The following GARNL3 variants were observed in gnomAD, a reference collection of about 807,000 sequenced individuals.
The protein encoded by GARNL3 is GTPase activating Rap/RanGAP domain like 3, also known as GTPase-activating Rap/Ran-GAP domain-like protein 3.
Under a neutral mutation model 125.0 loss-of-function variants are expected in GARNL3, and 63 were observed. The ratio of observed to expected loss-of-function variants is 0.50; its 90% CI spans 0.41 to 0.62. GARNL3 has a LOEUF of 0.62. GARNL3 is among the 20% of genes least tolerant of loss of function. The pLI, the probability that GARNL3 is intolerant of heterozygous loss-of-function variation, is 0.00. For synonymous variants in GARNL3, 439 were observed against 457.5 expected, an observed-to-expected ratio of 0.96 and a Z score of 0.52; for missense variants, 994 against 1,244.0, an observed-to-expected ratio of 0.80 and a Z score of 3.02.
Position 127,276,007 on chromosome 9 carries a change from C to T in GARNL3, c.144+10986C>T, listed in dbSNP as rs558668502. ...CTTTTTGCTCCTTGTAATGGTTCCA[C>T]AGTTTCCCTTCTTACTTTCTCCTTT... On this transcript the variant is annotated intron_variant, in intron 1 of 27. Transcript: ENST00000373387. 4.6e-5 allele frequency among the ~76,000 whole-genome samples: 7 copies of T among 152,332 alleles called. No individual in the cohort carries two copies. The South Asian group carries it at 1.2e-3, about 27-fold the overall frequency.
chr9:127,367,122 C>T (rs1206029889), intron 22 of GARNL3: 1 of 152,184 alleles, frequency 6.6e-6, no homozygotes, highest in Non-Finnish European at 1.5e-5. Context: ...ATTTCTTTTT[C>T]CCAAGACATT....
At chr9:127,267,817 G>C (rs1413870265) in intron 1 of GARNL3, among the ~76,000 whole-genome samples, 2 of 152,222 alleles carry the variant, frequency 1.3e-5, no homozygotes, top group Non-Finnish European at 2.9e-5. Flanking sequence ...AACCCAATAA[G>C]TGTTGGGCAT....
At chr9:127,382,366 T>C (rs1832310728) in intron 22 of GARNL3, among the ~76,000 whole-genome samples, 1 of 151,684 alleles carries the variant, frequency 6.6e-6, no homozygotes, top group African/African-American at 2.4e-5. Flanking sequence ...GGCTAAAACA[T>C]GATGGTTTGG....
At chr9:127,380,200 A>ATATG (rs71495641) in intron 22 of GARNL3, among the ~76,000 whole-genome samples, 1 of 141,642 alleles carries the variant, frequency 7.1e-6, no homozygotes, top group South Asian at 2.4e-4. Context: ...CTCAAAAAAT[A>ATATG]TGTGTGTGTG....
Position 127,344,423 on chromosome 9 carries a change from G to A in GARNL3, c.1356+84G>A, listed in dbSNP as rs1405019880. 3 of 885,792 alleles carry A rather than the reference G, an allele frequency of 3.4e-6. No individual in the cohort carries two copies. The African/African-American group carries it at 5.0e-5, about 15-fold the overall frequency. 54.9% of individuals were successfully genotyped at this position (885,792 alleles called of 1,614,324 possible). ...CAGATGGCCCATGTGCAAAGACTTT[G>A]TTTGCCTGCTGCTGTAGGAGCTCTG... On this transcript the variant is annotated intron_variant, in intron 15 of 27. Coordinates refer to ENST00000373387, the MANE Select transcript of GARNL3 (RefSeq NM_032293.5).
At chr9:127,278,040 C>A (rs554598170) in intron 1 of GARNL3, among the ~76,000 whole-genome samples, 4 of 152,170 alleles carry the variant, frequency 2.6e-5, no homozygotes, top group African/African-American at 9.6e-5. Flanking sequence ...CTAATAAATT[C>A]TTTTTTCTTA....
chr9:127,343,070 T>C (rs1462565821), intron 14 of GARNL3, among the ~76,000 whole-genome samples: 6 of 151,946 alleles, frequency 3.9e-5, no homozygotes, highest in African/African-American at 1.5e-4. Context: ...GCTAATTTTT[T>C]GTATTTTTAG....
At chr9:127,321,297 A>T (rs953038552) in intron 6 of GARNL3, among the ~76,000 whole-genome samples, 2 of 152,056 alleles carry the variant, frequency 1.3e-5, no homozygotes, top group African/African-American at 4.8e-5. Context: ...GTGCCCAGCT[A>T]ATTTAGTAGA....
At chr9:127,370,239 G>C (rs1306105576) in intron 22 of GARNL3, among the ~76,000 whole-genome samples, 1 of 152,190 alleles carries the variant, frequency 6.6e-6, no homozygotes, top group Non-Finnish European at 1.5e-5. Flanking sequence ...TGATGGCGCT[G>C]TCACCTCCCC....
At chr9:127,349,593 T>C (rs753697629) in intron 17 of GARNL3, among the ~76,000 whole-genome samples, 20 of 152,138 alleles carry the variant, frequency 1.3e-4, no homozygotes, top group Non-Finnish European at 2.6e-4. Flanking sequence ...CCTGGGGAGT[T>C]AGTCAGTTCT....
At position 127,342,303 on chromosome 9, in the gene GARNL3, T is replaced by C. The variant is rs749726729; in HGVS notation, c.1220T>C (p.Leu407Ser). The C allele has an allele frequency of 2.5e-5, 40 of 1,613,096 alleles. No homozygotes were observed. Among genetic ancestry groups the C allele is most frequent in the Non-Finnish European group, 3.1e-5 (36 of 1,179,144 alleles). The change falls in exon 14 of 28, where the codon TTA becomes TCA. Residue 407 changes from leucine (L) to serine (S), a missense_variant. This residue lies in a region of GARNL3 where 728 missense variants were observed against 865.7 expected (regional missense o/e 0.84). Transcript: ENST00000373387. ...ACCCTGGATATGTTGATTAGATCTT[T>C]ACACCAGGATTTGATGCCAGATTTG... is the stretch of plus-strand genomic sequence containing the variant. Reference protein sequence around the residue: ...RRTLDMLIRSLHQDLMPDLHK... With the variant: ...RRTLDMLIRSSHQDLMPDLHK...
intron 12 of GARNL3, among the ~76,000 whole-genome samples, chr9:127,338,663 C>A (rs1588885753): frequency 6.6e-6 from 1 of 152,190 alleles, no homozygotes; most frequent in Non-Finnish European, 1.5e-5. Context: ...TAGTGACAAT[C>A]AGAGGCAATA....
chr9:127,294,107 C>G (rs2064509340), intron 2 of GARNL3, among the ~76,000 whole-genome samples: 1 of 152,154 alleles, frequency 6.6e-6, no homozygotes, highest in South Asian at 2.1e-4. Flanking sequence ...TTGGACTTGC[C>G]TACCCCAGTG....
At chr9:127,275,222 T>TG (rs2063923761) in intron 1 of GARNL3, among the ~76,000 whole-genome samples, 1 of 152,244 alleles carries the variant, frequency 6.6e-6, no homozygotes, top group South Asian at 2.1e-4. Context: ...GGTATTCACA[T>TG]GCCATGAACA....
At chr9:127,244,164 C>T (rs956604040) in intron 2 of GARNL3, among the ~76,000 whole-genome samples, 1 of 152,146 alleles carries the variant, frequency 6.6e-6, no homozygotes, top group Admixed American at 6.5e-5. Flanking sequence ...ACTTTGTCTG[C>T]CCTCAAGGAA....
intron 2 of GARNL3, among the ~76,000 whole-genome samples, chr9:127,308,394 G>T (rs950804785): frequency 6.6e-6 from 1 of 152,158 alleles, no homozygotes; most frequent in Non-Finnish European, 1.5e-5. Context: ...CCTACTTGGG[G>T]GTGGAAGGTA....
rs1230823678 is a variant in GARNL3 at position 127,378,229 on chromosome 9, G to A, written c.2162-5209G>A. Among the ~76,000 whole-genome samples, 95 of 134,720 alleles carry A rather than the reference G, an allele frequency of 7.1e-4. 1 individual carries two copies. The highest frequency in any genetic ancestry group is 2.6e-3 in the African/African-American group (93 of 35,306). 88.4% of individuals were successfully genotyped at this position (134,720 alleles called of 152,430 possible). ...ACTGCACTCCAGCCTGGGCAACAAA[G>A]CAAGACTCTGTCTCAAAAAAAAAAA... On this transcript the variant is annotated intron_variant, in intron 22 of 27. Transcript: ENST00000373387.
intron 22 of GARNL3, among the ~76,000 whole-genome samples, chr9:127,375,089 G>A (rs1831825966): frequency 6.6e-6 from 1 of 152,140 alleles, no homozygotes; most frequent in Non-Finnish European, 1.5e-5. Flanking sequence ...TAATCACTTT[G>A]GAAAACAGTT....
chr9:127,289,225 C>T (rs1415591825), intron 1 of GARNL3, among the ~76,000 whole-genome samples: 2 of 152,180 alleles, frequency 1.3e-5, no homozygotes, highest in Non-Finnish European at 2.9e-5. Flanking sequence ...AGACAGTCCA[C>T]CAGATTACCC....
Sources: gnomAD v4.1 joint callset for allele counts (sites outside exome capture counted in the v4.1 genomes callset) on GRCh38, gnomAD v4.1.1 for gene constraint, gnomAD v4.1.1 regional missense constraint, MANE v1.5 for transcripts, NCBI Gene and HGNC (gene_info 2026-07-23, HGNC 2026-07-21) for gene names.